KDM4B: variants seen among roughly 807,000 people sequenced by gnomAD.
KDM4B encodes the protein lysine-specific demethylase 4B.
KDM4B carries 32 observed loss-of-function variants against 125.2 expected under a neutral mutation model. That is an observed-to-expected ratio of 0.26 (90% confidence interval 0.19 to 0.34). The LOEUF (loss-of-function observed/expected upper bound fraction) is 0.34, where lower values mean the gene tolerates loss of function less well. KDM4B is among the 10% of genes least tolerant of loss of function. The pLI is 1.00. For synonymous variants in KDM4B, 721 were observed against 677.9 expected (o/e 1.06, Z -0.99); for missense variants, 1,190 against 1,577.7 (o/e 0.75, Z 4.16).
intron 17 of KDM4B, 34 bp downstream of exon 17, chr19:5,137,710 G>A (rs564439779): frequency 5.8e-6 from 9 of 1,546,676 alleles, no homozygotes; most frequent in East Asian, 2.3e-5. Flanking sequence ...CTGGAGGGCC[G>A]GAGGGGAGCC....
intron 10 of KDM4B, chr19:5,111,332 G>A: frequency 2.7e-6 from 2 of 743,314 alleles, no homozygotes; most frequent in Admixed American, 1.7e-5. Context: ...ATTTCAGAAG[G>A]CCGGCCCCGG....
At chr19:4,983,586 C>T (rs950310370) in intron 1 of KDM4B, among the ~76,000 whole-genome samples, 8 of 152,258 alleles carry the variant, frequency 5.3e-5, no homozygotes, top group East Asian at 3.9e-4. Flanking sequence ...GCCTGGGCAG[C>T]GCCTCTGGCA....
At chr19:4,970,136 G>A (rs1209672278) in intron 1 of KDM4B, among the ~76,000 whole-genome samples, 1 of 152,170 alleles carries the variant, frequency 6.6e-6, no homozygotes, top group Non-Finnish European at 1.5e-5. Flanking sequence ...CTCAGTGGTG[G>A]CCATGACAAT....
At chr19:5,067,686 G>T (rs2037817614) in intron 6 of KDM4B, among the ~76,000 whole-genome samples, 1 of 152,288 alleles carries the variant, frequency 6.6e-6, no homozygotes, top group South Asian at 2.1e-4. Flanking sequence ...GCCCGTGCAG[G>T]TCATGGAGCC....
intron 9 of KDM4B, among the ~76,000 whole-genome samples, chr19:5,101,609 A>C (rs2038935634): frequency 6.6e-6 from 1 of 150,634 alleles, no homozygotes; most frequent in African/African-American, 2.4e-5. Context: ...ATGCAAGGGG[A>C]TAGCGGGGAG....
chr19:5,066,940 C>T lies in KDM4B; in HGVS notation c.627-4070C>T, dbSNP rs147277209. On this transcript the variant is annotated intron_variant, in intron 6 of 22. Transcript: ENST00000159111. ...AGTGGTGCAGAGGAGTGGCGATGCCCGGGTCCTGGGTCCTGGGTCCCGCGT... is the reference window on the plus strand; with the variant it reads ...AGTGGTGCAGAGGAGTGGCGATGCCTGGGTCCTGGGTCCTGGGTCCCGCGT... 3.6e-3 allele frequency among the ~76,000 whole-genome samples: 541 copies of T among 152,262 alleles called. 3 individuals carry two copies. Among genetic ancestry groups the T allele is most frequent in the Non-Finnish European group, 2.7e-3 (186 of 68,004 alleles).
chr19:5,006,271 C>T lies in KDM4B; in HGVS notation c.-108-9986C>T, dbSNP rs189483020. ...GGTAGTGTGCACCCCATCCTCAGAG[C>T]GGAACCCCCATCCCCTGGGCTTGTG... On this transcript the variant is annotated intron_variant, in intron 1 of 22. Coordinates refer to ENST00000159111, the MANE Select transcript of KDM4B (RefSeq NM_015015.3). Among the ~76,000 whole-genome samples the T allele has an allele frequency of 4.3e-3, 654 of 152,182 alleles. 4 individuals carry two copies. The highest frequency in any genetic ancestry group is 0.024 in the South Asian group (115 of 4,818).
intron 9 of KDM4B, among the ~76,000 whole-genome samples, chr19:5,087,583 G>A (rs1410090604): frequency 6.6e-6 from 1 of 152,210 alleles, no homozygotes; most frequent in African/African-American, 2.4e-5. Context: ...GGTAGGTAGT[G>A]CCAGTGTCAT....
At chr19:5,129,982 G>A (rs1370803698) in intron 11 of KDM4B, among the ~76,000 whole-genome samples, 1 of 152,222 alleles carries the variant, frequency 6.6e-6, no homozygotes, top group Non-Finnish European at 1.5e-5. Flanking sequence ...GGCTCACATG[G>A]AGCTGTGTGC....
In KDM4B at chr19:5,112,118, T is replaced by C. The variant is rs2039160092; in HGVS notation, c.1115+1300T>C. On this transcript the variant is annotated intron_variant, in intron 10 of 22. Coordinates refer to ENST00000159111, the MANE Select transcript of KDM4B (RefSeq NM_015015.3). ...AAATTTAAAAATCAGCTGGGTGTGG[T>C]GGTGTGCGCCTGTGGTCCCAACTAC... The C allele has an allele frequency of 4.6e-5, 17 of 371,998 alleles. No individual in the cohort carries two copies. In the South Asian group the frequency reaches 5.0e-4, roughly 11 times the overall value. 23.0% of individuals were successfully genotyped at this position (371,998 alleles called of 1,614,324 possible).
chr19:5,096,816 G>A (rs1371168889), intron 9 of KDM4B, among the ~76,000 whole-genome samples: 4 of 151,922 alleles, frequency 2.6e-5, no homozygotes, highest in East Asian at 1.9e-4. Context: ...CGGTGCCCCC[G>A]GCGGTGTCGG....
intron 1 of KDM4B, among the ~76,000 whole-genome samples, chr19:4,987,364 G>A (rs2034873309): frequency 6.6e-6 from 1 of 152,222 alleles, no homozygotes; most frequent in Admixed American, 6.5e-5. Context: ...TTGGTTTTAG[G>A]GTGAAGGGGC....
At chr19:5,065,333 C>T (rs183993114) in intron 6 of KDM4B, among the ~76,000 whole-genome samples, 3 of 152,366 alleles carry the variant, frequency 2.0e-5, no homozygotes, top group East Asian at 1.9e-4. Flanking sequence ...CTGCCCAGGA[C>T]GGCCTGTGTT....
At chr19:5,083,983 A>G (rs2038387620) in intron 9 of KDM4B, among the ~76,000 whole-genome samples, 1 of 152,180 alleles carries the variant, frequency 6.6e-6, no homozygotes, top group African/African-American at 2.4e-5. Context: ...GCGGTGGCTT[A>G]TGCCTGTAAT....
intron 2 of KDM4B, among the ~76,000 whole-genome samples, chr19:5,019,649 C>CGTTGGTGTGCAGGTGTTGGCGTGGAT (rs1568231959): frequency 9.9e-5 from 9 of 91,356 alleles, no homozygotes; most frequent in African/African-American, 4.0e-4. Flanking sequence ...TTTGTGTGGA[C>CGTTGGTGTGCAGGTGTTGGCGTGGAT]GTTGGTGTGC....
At chr19:4,969,627 A>G (rs1216941920) in intron 1 of KDM4B, among the ~76,000 whole-genome samples, 1 of 151,736 alleles carries the variant, frequency 6.6e-6, no homozygotes, top group Non-Finnish European at 1.5e-5. Flanking sequence ...GCCTATTATT[A>G]TTATTATTTT....
At chr19:5,012,627 G>A (rs1438326220) in intron 1 of KDM4B, among the ~76,000 whole-genome samples, 1 of 152,190 alleles carries the variant, frequency 6.6e-6, no homozygotes, top group Non-Finnish European at 1.5e-5. Flanking sequence ...GCAGATGGTA[G>A]GGCGCCCCTC....
At chr19:4,991,657 A>G (rs1466863175) in intron 1 of KDM4B, among the ~76,000 whole-genome samples, 3 of 152,154 alleles carry the variant, frequency 2.0e-5, no homozygotes, top group Admixed American at 6.5e-5. Context: ...TTCTTTTGGT[A>G]GAGTCTTTGC....
At chr19:5,091,263 C>T (rs2127552) in intron 9 of KDM4B, among the ~76,000 whole-genome samples, 1,981 of 152,318 alleles carry the variant, frequency 0.013, 43 homozygotes, top group African/African-American at 0.045. Context: ...GGAGAGTTGA[C>T]TGAGGATTAA....
Sources: allele counts gnomAD v4.1 joint callset (sites outside exome capture counted in the v4.1 genomes callset), GRCh38; gene constraint gnomAD v4.1.1; transcripts MANE v1.5; gene names NCBI Gene and HGNC (gene_info 2026-07-23, HGNC 2026-07-21).